ADGRL3: variants seen among roughly 807,000 people sequenced by gnomAD.
ADGRL3 encodes calcium-independent alpha-latrotoxin receptor 3.
ADGRL3 carries 62 observed loss-of-function variants against 153.5 expected under a neutral mutation model. That is an observed-to-expected ratio of 0.40 (90% CI 0.33 to 0.50). The LOEUF (loss-of-function observed/expected upper bound fraction) is 0.50. Among genes scored for constraint, ADGRL3 ranks in the 20% least tolerant of loss-of-function variants. The probability of loss-of-function intolerance (pLI) is 0.47; values close to 1 mark genes in which losing one functional copy is unlikely to be tolerated. For synonymous variants in ADGRL3, 710 were observed against 672.5 expected (o/e 1.06, Z -0.86); for missense variants, 1,641 against 1,859.4 (o/e 0.88, Z 2.16).
At position 62,046,617 on chromosome 4, in the gene ADGRL3, G is replaced by A. The variant is rs189806848; in HGVS notation, c.3814+2068G>A. ...GGAAGGGTATACAATTTCTTGTGAC[G>A]TTGAATAAATTAATTTAATGATGAC... On this transcript the variant is annotated intron_variant, in intron 25 of 26. Transcript: ENST00000683033. 3.1e-3 allele frequency among the ~76,000 whole-genome samples: 478 copies of A among 151,974 alleles called. 1 individual carries two copies. The highest frequency in any genetic ancestry group is 0.01 in the Middle Eastern group (3 of 292).
At chr4:61,252,317 ACAG>A (rs1236518520) in intron 1 of ADGRL3, among the ~76,000 whole-genome samples, 2 of 152,204 alleles carry the variant, frequency 1.3e-5, no homozygotes, top group Non-Finnish European at 2.9e-5. Flanking sequence ...ATAAGGAACA[ACAG>A]GAGGTAAATT....
chr4:61,342,852 C>G (rs185884221), intron 1 of ADGRL3, among the ~76,000 whole-genome samples: 1 of 152,148 alleles, frequency 6.6e-6, no homozygotes, highest in African/African-American at 2.4e-5. Context: ...AGTCTGTTCT[C>G]ATGCTGCTAA....
At chr4:61,296,340 C>A (rs1425968281) in intron 1 of ADGRL3, among the ~76,000 whole-genome samples, 2 of 152,110 alleles carry the variant, frequency 1.3e-5, no homozygotes, top group African/African-American at 4.8e-5. Context: ...CAGAACAAGT[C>A]TCTCAGGTTA....
At chr4:61,436,271 A>G (rs2152441132) in intron 2 of ADGRL3, among the ~76,000 whole-genome samples, 1 of 152,304 alleles carries the variant, frequency 6.6e-6, no homozygotes, top group East Asian at 1.9e-4. Flanking sequence ...TCTCAACTAG[A>G]TCCAAAAAAA....
rs556893764 is a variant in ADGRL3, at chr4:61,570,959, A to C, written c.260-16268A>C. Among the ~76,000 whole-genome samples the C allele has an allele frequency of 3.3e-5, 5 of 152,012 alleles. No individual in the cohort carries two copies. In the East Asian group the frequency reaches 9.6e-4, roughly 29 times the overall value. ...TGAAGAAGCGGGTAAGCATGGAAAT[A>C]ACCGAGGCTGGAGGCTTATGGCTCA... On this transcript the variant is annotated intron_variant, in intron 4 of 26. Coordinates refer to ENST00000683033, the MANE Select transcript of ADGRL3 (RefSeq NM_001387552.1).
chr4:61,542,479 A>G (rs1011083603), intron 4 of ADGRL3, among the ~76,000 whole-genome samples: 15 of 152,210 alleles, frequency 9.9e-5, no homozygotes, highest in African/African-American at 3.1e-4. Context: ...AAAAATCTAC[A>G]TATCAACCTG....
chr4:61,353,603 T>TG (rs1298374840), intron 1 of ADGRL3, among the ~76,000 whole-genome samples: 1 of 145,958 alleles, frequency 6.9e-6, no homozygotes, highest in Non-Finnish European at 1.5e-5. Context: ...TCTTTCAATT[T>TG]TTTTTTTTTT....
intron 4 of ADGRL3, among the ~76,000 whole-genome samples, chr4:61,557,790 T>G (rs1337763153): frequency 2.7e-5 from 4 of 146,788 alleles, no homozygotes; most frequent in Non-Finnish European, 4.5e-5. Flanking sequence ...GGTTTCAGTG[T>G]TTTTTTTTTT....
intron 9 of ADGRL3, among the ~76,000 whole-genome samples, chr4:61,862,841 C>CT (rs1159542443): frequency 6.6e-6 from 1 of 152,094 alleles, no homozygotes; most frequent in Non-Finnish European, 1.5e-5. Context: ...AACACTACCA[C>CT]TAGATCAGTG....
At chr4:61,659,684 A>G (rs2094537623) in intron 5 of ADGRL3, among the ~76,000 whole-genome samples, 1 of 152,134 alleles carries the variant, frequency 6.6e-6, no homozygotes, top group Non-Finnish European at 1.5e-5. Context: ...TTCATTGTTC[A>G]TACAGCCTTG....
chr4:62,022,563 A>C (rs537626453), intron 21 of ADGRL3, among the ~76,000 whole-genome samples: 58 of 152,278 alleles, frequency 3.8e-4, no homozygotes, highest in Non-Finnish European at 6.5e-4. Flanking sequence ...TCTGGCTTCA[A>C]GGCTTCTAAT....
chr4:61,306,630 A>T (rs113147996), intron 1 of ADGRL3, among the ~76,000 whole-genome samples: 1 of 152,114 alleles, frequency 6.6e-6, no homozygotes, highest in Non-Finnish European at 1.5e-5. Flanking sequence ...AAAAGCTTTC[A>T]TTTCTCCAAC....
At chr4:61,990,271 A>G (rs567302112) in intron 19 of ADGRL3, among the ~76,000 whole-genome samples, 98 of 152,156 alleles carry the variant, frequency 6.4e-4, no homozygotes, top group African/African-American at 2.3e-3. Flanking sequence ...TTAAGTGACT[A>G]AAGCCAGTTA....
At chr4:62,065,175 G>A (rs543457744) in intron 25 of ADGRL3, among the ~76,000 whole-genome samples, 1 of 152,126 alleles carries the variant, frequency 6.6e-6, no homozygotes, top group South Asian at 2.1e-4. Flanking sequence ...GAGCAAAGAA[G>A]AGCAAAGCAT....
intron 1 of ADGRL3, among the ~76,000 whole-genome samples, chr4:61,237,087 G>T (rs931603075): frequency 1.3e-5 from 2 of 152,010 alleles, no homozygotes; most frequent in Admixed American, 6.6e-5. Flanking sequence ...CATTATGGTT[G>T]TTGCAGCAAG....
intron 6 of ADGRL3, among the ~76,000 whole-genome samples, chr4:61,688,041 G>A (rs890712951): frequency 2.0e-5 from 3 of 151,894 alleles, no homozygotes; most frequent in South Asian, 2.1e-4. Context: ...GTCATCATCC[G>A]AATAAGTATA....
intron 2 of ADGRL3, among the ~76,000 whole-genome samples, chr4:61,466,036 C>G (rs1269444295): frequency 1.3e-5 from 2 of 151,758 alleles, no homozygotes; most frequent in Non-Finnish European, 2.9e-5. Context: ...ACAGGAGAAT[C>G]ACTTGAACTC....
intron 18 of ADGRL3, among the ~76,000 whole-genome samples, chr4:61,982,757 C>T (rs1294844097): frequency 6.6e-6 from 1 of 152,086 alleles, no homozygotes; most frequent in Admixed American, 6.5e-5. Context: ...AGTTTGGGAA[C>T]ATTTAATTTT....
At chr4:61,749,836 G>A (rs1175927814) in intron 8 of ADGRL3, among the ~76,000 whole-genome samples, 2 of 151,654 alleles carry the variant, frequency 1.3e-5, no homozygotes, top group African/African-American at 2.4e-5. Context: ...TTGTACACAT[G>A]TACCCTAAAA....
Sources: allele counts gnomAD v4.1 joint callset (sites outside exome capture counted in the v4.1 genomes callset), GRCh38; gene constraint gnomAD v4.1.1; transcripts MANE v1.5; gene names NCBI Gene and HGNC (gene_info 2026-07-23, HGNC 2026-07-21).